Variants in PCCA observed in about 807,000 individuals in gnomAD.
PCCA encodes propionyl-CoA carboxylase alpha chain, mitochondrial.
In PCCA, 74 loss-of-function variants were observed where a neutral mutation model predicts 101.3. The ratio of observed to expected loss-of-function variants is 0.73; its 90% confidence interval spans 0.61 to 0.89. The LOEUF is 0.89. PCCA is among the 40% of genes least tolerant of loss of function. The pLI, the probability that PCCA is intolerant of heterozygous loss-of-function variation, is 0.00. For missense variants in PCCA, 891 were observed against 907.0 expected, an observed-to-expected ratio of 0.98 and a Z score of 0.23; for synonymous variants, 294 against 313.6, an observed-to-expected ratio of 0.94 and a Z score of 0.66.
chr13:100,452,648 TA>T (rs2081415559), intron 21 of PCCA, among the ~76,000 whole-genome samples: 1 of 134,364 alleles, frequency 7.4e-6, no homozygotes, highest in African/African-American at 3.5e-5. Flanking sequence ...CCACTTTATT[TA>T]TTTATTTTTT....
intron 16 of PCCA, among the ~76,000 whole-genome samples, chr13:100,313,482 T>TG (rs1416653714): frequency 6.6e-6 from 1 of 152,084 alleles, no homozygotes; most frequent in African/African-American, 2.4e-5. Flanking sequence ...CTGGTTGGTT[T>TG]GGGGATGAAA....
chr13:100,227,741 A>T (rs1039805635), intron 7 of PCCA, among the ~76,000 whole-genome samples: 1 of 152,168 alleles, frequency 6.6e-6, no homozygotes, highest in African/African-American at 2.4e-5. Flanking sequence ...GAAAGAATGG[A>T]CCACCAGGTA....
At chr13:100,303,065 A>G in intron 14 of PCCA, 67 bp downstream of exon 14, 1 of 896,276 alleles carries the variant, frequency 1.1e-6, no homozygotes. Flanking sequence ...CTTTTATGTT[A>G]AAGCATGTCA....
chr13:100,285,733 C>G (rs914145474), intron 12 of PCCA, among the ~76,000 whole-genome samples: 1 of 152,146 alleles, frequency 6.6e-6, no homozygotes, highest in African/African-American at 2.4e-5. Context: ...AACCAATTGA[C>G]CATGACTGCC....
At chr13:100,310,222 G>A (rs761427940) in intron 16 of PCCA, among the ~76,000 whole-genome samples, 12 of 152,138 alleles carry the variant, frequency 7.9e-5, no homozygotes, top group Non-Finnish European at 1.0e-4. Flanking sequence ...GAGGTCTTTA[G>A]TGCGTATTTG....
chr13:100,410,040 G>A (rs866139760), intron 19 of PCCA, among the ~76,000 whole-genome samples: 12 of 151,838 alleles, frequency 7.9e-5, no homozygotes, highest in Middle Eastern at 3.4e-3. Context: ...GATTACAGGC[G>A]TGAGCAACCA....
intron 21 of PCCA, 66 bp downstream of exon 21, chr13:100,449,371 C>T: frequency 1.0e-6 from 1 of 964,276 alleles, no homozygotes; most frequent in Non-Finnish European, 1.6e-6. Context: ...AGTTGTAGCT[C>T]ATGTGTTTGA....
intron 19 of PCCA, among the ~76,000 whole-genome samples, chr13:100,370,586 AT>A (rs2075515535): frequency 6.6e-6 from 1 of 152,144 alleles, no homozygotes; most frequent in African/African-American, 2.4e-5. Flanking sequence ...ATCAGAAATG[AT>A]TTCCTATATT....
intron 2 of PCCA, among the ~76,000 whole-genome samples, chr13:100,107,365 C>T (rs2047903588): frequency 6.6e-6 from 1 of 152,032 alleles, no homozygotes; most frequent in African/African-American, 2.4e-5. Context: ...TTAGTGTGAG[C>T]CAGTACAGTA....
chr13:100,377,901 T>C (rs1003149520), intron 19 of PCCA, among the ~76,000 whole-genome samples: 1 of 152,186 alleles, frequency 6.6e-6, no homozygotes, highest in African/African-American at 2.4e-5. Flanking sequence ...TCTGTTTGTT[T>C]TATATGTTCC....
intron 12 of PCCA, among the ~76,000 whole-genome samples, chr13:100,298,966 A>G (rs1432907678): frequency 6.6e-6 from 1 of 151,890 alleles, no homozygotes; most frequent in Non-Finnish European, 1.5e-5. Flanking sequence ...ATTTAGAAGG[A>G]TTTCTTTCAA....
chr13:100,139,304 A>T (rs759646374), intron 4 of PCCA, among the ~76,000 whole-genome samples: 22 of 151,758 alleles, frequency 1.4e-4, no homozygotes, highest in African/African-American at 2.2e-4. Context: ...AGTCCTTATT[A>T]AAAAAAATAT....
At chr13:100,361,348 T>A (rs919226358) in intron 18 of PCCA, among the ~76,000 whole-genome samples, 1 of 152,134 alleles carries the variant, frequency 6.6e-6, no homozygotes, top group Non-Finnish European at 1.5e-5. Flanking sequence ...AAATGCAAGA[T>A]GTTCATAATA....
chr13:100,282,935 A>G (rs946201212), intron 12 of PCCA, among the ~76,000 whole-genome samples: 4 of 152,064 alleles, frequency 2.6e-5, no homozygotes, highest in Non-Finnish European at 5.9e-5. Context: ...AAGCAAAGAA[A>G]TCTCCAAAGG....
intron 4 of PCCA, among the ~76,000 whole-genome samples, chr13:100,119,343 G>A (rs1237541190): frequency 6.6e-6 from 1 of 151,932 alleles, no homozygotes; most frequent in African/African-American, 2.4e-5. Context: ...AAATTTTGGT[G>A]TGTGATTCTA....
At chr13:100,158,184 T>G (rs2054069735) in intron 6 of PCCA, among the ~76,000 whole-genome samples, 1 of 152,196 alleles carries the variant, frequency 6.6e-6, no homozygotes, top group Admixed American at 6.5e-5. Context: ...GTGGTAGATA[T>G]TTGTGTATCT....
intron 8 of PCCA, among the ~76,000 whole-genome samples, chr13:100,254,524 A>AT (rs910820843): frequency 6.6e-6 from 1 of 152,036 alleles, no homozygotes; most frequent in African/African-American, 2.4e-5. Flanking sequence ...TTGACTAAAT[A>AT]TTTTTTTCCT....
chr13:100,341,057 C>T (rs1484074238), intron 18 of PCCA, among the ~76,000 whole-genome samples: 1 of 152,120 alleles, frequency 6.6e-6, no homozygotes, highest in East Asian at 1.9e-4. Flanking sequence ...ATCTTAGTGG[C>T]TAATGTGGTT....
At chr13:100,529,177 G>GGTTC (rs2088149587) in intron 23 of PCCA, among the ~76,000 whole-genome samples, 1 of 152,138 alleles carries the variant, frequency 6.6e-6, no homozygotes, top group East Asian at 1.9e-4. Context: ...AGCAGGCCCT[G>GGTTC]GTTCCTACCT....
Sources: gnomAD v4.1 joint callset for allele counts (sites outside exome capture counted in the v4.1 genomes callset) on GRCh38, gnomAD v4.1.1 for gene constraint, MANE v1.5 for transcripts, NCBI Gene and HGNC (gene_info 2026-07-23, HGNC 2026-07-21) for gene names.